The following ERBB4 variants were observed in gnomAD, a reference collection of about 807,000 sequenced individuals.
The protein encoded by ERBB4 is receptor tyrosine-protein kinase erbB-4.
ERBB4 carries 42 observed loss-of-function variants against 158.0 expected under a neutral mutation model. The observed-to-expected ratio is 0.27, with a 90% confidence interval of 0.21 to 0.34. The LOEUF (loss-of-function observed/expected upper bound fraction) is 0.34. Ranked by LOEUF, ERBB4 falls within the 10% of genes least tolerant of loss-of-function variation. The pLI, the probability that ERBB4 is intolerant of heterozygous loss-of-function variation, is 1.00. For synonymous variants in ERBB4, 583 were observed against 558.7 expected (o/e 1.04, Z -0.61); for missense variants, 1,333 against 1,624.1 (o/e 0.82, Z 3.08).
intron 2 of ERBB4, among the ~76,000 whole-genome samples, chr2:211,961,969 A>G (rs1382290378): frequency 4.6e-5 from 7 of 152,152 alleles, no homozygotes; most frequent in Non-Finnish European, 7.3e-5. Context: ...AGCAATTTCT[A>G]TACAAGTAAG....
At chr2:212,044,264 G>T (rs544621710) in intron 2 of ERBB4, among the ~76,000 whole-genome samples, 5 of 152,012 alleles carry the variant, frequency 3.3e-5, no homozygotes, top group African/African-American at 4.8e-5. Context: ...ATATATAAAA[G>T]TTACACTCGA....
At chr2:212,012,739 T>G (rs2076419333) in intron 2 of ERBB4, among the ~76,000 whole-genome samples, 1 of 150,718 alleles carries the variant, frequency 6.6e-6, no homozygotes, top group South Asian at 2.1e-4. Flanking sequence ...TGTTGTTGTT[T>G]TTATTTTATT....
intron 3 of ERBB4, among the ~76,000 whole-genome samples, chr2:211,806,988 C>T (rs1002229721): frequency 6.6e-6 from 1 of 151,828 alleles, no homozygotes; most frequent in Admixed American, 6.6e-5. Context: ...TTTTACACAA[C>T]AAAAACGTCA....
chr2:211,383,442 C>T lies in ERBB4; in HGVS notation c.*173G>A, dbSNP rs2062612105. 1.6e-6 allele frequency: 1 copy of T among 616,616 alleles called. No individual in the cohort carries two copies. Among genetic ancestry groups the T allele is most frequent in the Non-Finnish European group, 2.9e-6 (1 of 346,506 alleles). 38.2% of individuals were successfully genotyped at this position (616,616 alleles called of 1,614,324 possible). ...CTCCTATCTTTCTCTTTCAGTCTTT[C>T]CCTCTAATGTTCAAGTTAGGTAAGC... On this transcript the variant is annotated 3_prime_UTR_variant, in exon 28 of 28. Transcript: ENST00000342788.
rs7569828 is a variant in ERBB4, at chr2:211,378,809, G to A, written c.*4806C>T. On this transcript the variant is annotated 3_prime_UTR_variant, in exon 28 of 28. Transcript: ENST00000342788. ...GCTGTCCTTCAAACTGATACACACC[G>A]AAGTCCATGTACACAAACAGAGGCA... is the stretch of plus-strand genomic sequence containing the variant. 15,000 of 232,320 alleles carry A rather than the reference G, an allele frequency of 0.065. 1,709 individuals carry two copies. The highest frequency in any genetic ancestry group is 0.27 in the African/African-American group (12,119 of 45,240). The allele number at this position is 232,320 out of a possible 1,614,324, so 14.4% of individuals were successfully genotyped here. A position where few individuals can be genotyped will look rare whatever the true frequency, so the allele number is the denominator to read the frequency against.
intron 1 of ERBB4, among the ~76,000 whole-genome samples, chr2:212,373,272 GCTAA>G (rs750991634): frequency 3.9e-5 from 6 of 152,104 alleles, no homozygotes; most frequent in East Asian, 3.9e-4. Context: ...ACATTGTACA[GCTAA>G]CTAAGTTGAC....
chr2:212,218,626 C>T (rs1383162837), intron 1 of ERBB4, among the ~76,000 whole-genome samples: 1 of 151,344 alleles, frequency 6.6e-6, no homozygotes. Flanking sequence ...CCAGAGATTG[C>T]CATTCCATTT....
intron 20 of ERBB4, among the ~76,000 whole-genome samples, chr2:211,540,853 G>A (rs1388021176): frequency 1.3e-5 from 2 of 151,882 alleles, no homozygotes; most frequent in Non-Finnish European, 2.9e-5. Context: ...ACAACTTACT[G>A]TATAACAAAA....
intron 1 of ERBB4, among the ~76,000 whole-genome samples, chr2:212,509,510 T>C (rs1327344156): frequency 9.9e-5 from 15 of 152,070 alleles, no homozygotes; most frequent in Admixed American, 9.2e-4. Flanking sequence ...TAAAAATTAT[T>C]ACATGTTCTG....
chr2:211,615,206 A>G (rs953526603), intron 19 of ERBB4, among the ~76,000 whole-genome samples: 1 of 152,082 alleles, frequency 6.6e-6, no homozygotes, highest in African/African-American at 2.4e-5. Flanking sequence ...GGAAAAATAC[A>G]GAGTGAAGGG....
At chr2:212,062,396 A>ATTTTTT (rs1559419685) in intron 2 of ERBB4, among the ~76,000 whole-genome samples, 18 of 96,528 alleles carry the variant, frequency 1.9e-4, no homozygotes, top group South Asian at 3.5e-4. Context: ...TCACTTGTCA[A>ATTTTTT]TTCTTTTTTT....
chr2:211,922,380 G>GTC (rs2125079829), intron 3 of ERBB4, among the ~76,000 whole-genome samples: 1 of 152,218 alleles, frequency 6.6e-6, no homozygotes, highest in South Asian at 2.1e-4. Context: ...AATATCAAAA[G>GTC]TCTCTCTGAA....
rs182502547 is a variant in ERBB4 at position 212,469,342 on chromosome 2, T to C, written c.82+69107A>G. Among the ~76,000 whole-genome samples, 649 of 152,292 alleles carry C rather than the reference T, an allele frequency of 4.3e-3. 4 individuals are homozygous for C. Among genetic ancestry groups the C allele is most frequent in the Non-Finnish European group, 5.1e-3 (348 of 68,012 alleles). Reference sequence around the variant, plus strand: ...CATTTGAATGTCTCTTTCAAAAACATAGTTTTATAAGATTAGGCACTTAGA... The same window carrying C: ...CATTTGAATGTCTCTTTCAAAAACACAGTTTTATAAGATTAGGCACTTAGA... On this transcript the variant is annotated intron_variant, in intron 1 of 27. Transcript: ENST00000342788.
chr2:211,788,399 C>T (rs1279217894), intron 3 of ERBB4, among the ~76,000 whole-genome samples: 2 of 152,030 alleles, frequency 1.3e-5, no homozygotes, highest in African/African-American at 4.8e-5. Flanking sequence ...CTGAGAGTAA[C>T]ACTCCTAACA....
intron 20 of ERBB4, among the ~76,000 whole-genome samples, chr2:211,507,384 C>T (rs1211374047): frequency 2.0e-5 from 3 of 152,040 alleles, no homozygotes; most frequent in Non-Finnish European, 4.4e-5. Context: ...CCCTGAAACC[C>T]ATATCAGGCA....
intron 2 of ERBB4, among the ~76,000 whole-genome samples, chr2:212,008,765 A>C (rs1359636156): frequency 6.6e-6 from 1 of 152,172 alleles, no homozygotes; most frequent in African/African-American, 2.4e-5. Flanking sequence ...GAAGTTCAAG[A>C]GTGTGAATGA....
intron 3 of ERBB4, among the ~76,000 whole-genome samples, chr2:211,900,934 A>G (rs2079218326): frequency 6.6e-6 from 1 of 152,162 alleles, no homozygotes. Context: ...ATATATTAGG[A>G]TTCAAGACCA....
intron 1 of ERBB4, among the ~76,000 whole-genome samples, chr2:212,209,971 G>T (rs768716246): frequency 6.6e-6 from 1 of 151,964 alleles, no homozygotes; most frequent in Non-Finnish European, 1.5e-5. Flanking sequence ...GAATCAGATT[G>T]TGGATATGGA....
intron 2 of ERBB4, among the ~76,000 whole-genome samples, chr2:212,007,015 C>T (rs1432077874): frequency 3.3e-5 from 5 of 151,834 alleles, no homozygotes; most frequent in Non-Finnish European, 7.4e-5. Context: ...TGCAGATTTG[C>T]TAAAATATGG....
Sources: allele counts gnomAD v4.1 joint callset (sites outside exome capture counted in the v4.1 genomes callset), GRCh38; gene constraint gnomAD v4.1.1; transcripts MANE v1.5; gene names NCBI Gene and HGNC (gene_info 2026-07-23, HGNC 2026-07-21).